Variants in SOX5 observed in about 807,000 individuals in gnomAD.
The protein encoded by SOX5 is SRY-box transcription factor 5.
In SOX5, 9 loss-of-function variants were observed where a neutral mutation model predicts 92.0. The observed-to-expected ratio is 0.10, with a 90% CI of 0.06 to 0.17. The LOEUF (loss-of-function observed/expected upper bound fraction) is 0.17, where lower values mean the gene tolerates loss of function less well. Among genes scored for constraint, SOX5 ranks in the 10% least tolerant of loss-of-function variants. SOX5 has a pLI of 1.00. For synonymous variants in SOX5, 344 were observed against 336.3 expected (o/e 1.02, Z -0.25); for missense variants, 642 against 944.5 (o/e 0.68, Z 4.20).
chr12:24,479,428 G>A (rs953392430), intron 1 of SOX5, among the ~76,000 whole-genome samples: 2 of 152,142 alleles, frequency 1.3e-5, no homozygotes, highest in Admixed American at 1.3e-4. Flanking sequence ...ACATAAATAT[G>A]TATGACCTCA....
At chr12:24,209,609 T>C (rs1262323163) in intron 4 of SOX5, among the ~76,000 whole-genome samples, 2 of 152,194 alleles carry the variant, frequency 1.3e-5, no homozygotes, top group African/African-American at 4.8e-5. Flanking sequence ...TAAATACTTA[T>C]TTGGCAATTG....
At chr12:23,990,206 T>C (rs12312708) in intron 4 of SOX5, among the ~76,000 whole-genome samples, 1,852 of 152,282 alleles carry the variant, frequency 0.012, 42 homozygotes, top group African/African-American at 0.041. Flanking sequence ...CTAGTCTCTG[T>C]CTTATTTTCA....
At chr12:24,014,062 C>T (rs1953280568) in intron 4 of SOX5, among the ~76,000 whole-genome samples, 1 of 152,226 alleles carries the variant, frequency 6.6e-6, no homozygotes, top group African/African-American at 2.4e-5. Context: ...AACCTGAGAA[C>T]CCTTCGTGAC....
chr12:24,477,642 TTTTA>T (rs1169643503), intron 1 of SOX5, among the ~76,000 whole-genome samples: 4 of 152,148 alleles, frequency 2.6e-5, no homozygotes, highest in Non-Finnish European at 2.9e-5. Context: ...AAGAAACTAC[TTTTA>T]AGGAAAGAGA....
chr12:24,204,364 T>C (rs1012631800), intron 4 of SOX5, among the ~76,000 whole-genome samples: 1 of 151,858 alleles, frequency 6.6e-6, no homozygotes, highest in African/African-American at 2.4e-5. Flanking sequence ...ACTTCCACTC[T>C]GTCGCCCAGG....
chr12:23,836,366 C>T (rs938171243), intron 3 of SOX5, among the ~76,000 whole-genome samples: 1 of 151,720 alleles, frequency 6.6e-6, no homozygotes, highest in East Asian at 1.9e-4. Flanking sequence ...AGAATCAGAG[C>T]TTTTTGTGTA....
chr12:24,330,931 C>G (rs532586409), intron 2 of SOX5, among the ~76,000 whole-genome samples: 113 of 152,254 alleles, frequency 7.4e-4, no homozygotes, highest in Non-Finnish European at 1.4e-3. Flanking sequence ...GGAAAGCAGA[C>G]GGAGTTACAA....
intron 3 of SOX5, among the ~76,000 whole-genome samples, chr12:24,224,017 G>A (rs1961233613): frequency 6.6e-6 from 1 of 152,200 alleles, no homozygotes; most frequent in African/African-American, 2.4e-5. Context: ...AAGTGGAAAG[G>A]AAAGAGATCA....
At chr12:24,003,131 C>T (rs1223083512) in intron 4 of SOX5, among the ~76,000 whole-genome samples, 2 of 151,988 alleles carry the variant, frequency 1.3e-5, no homozygotes, top group African/African-American at 4.8e-5. Context: ...AAATTCTCAA[C>T]TAACAAGGAT....
In SOX5 at chr12:24,451,311, C is replaced by T. The variant is rs572210972; in HGVS notation, c.-250-82672G>A. ...TGATTCCTTTCTTATGGATATATAC[C>T]CAGCAGTGGGATTACCCAGGTCATG... On this transcript the variant is annotated intron_variant, in intron 1 of 4. Coordinates refer to the SOX5 transcript ENST00000446891. Among the ~76,000 whole-genome samples, 43 of 152,090 alleles carry T rather than the reference C, an allele frequency of 2.8e-4. 1 individual carries two copies. The South Asian group carries it at 5.4e-3, about 19-fold the overall frequency.
intron 1 of SOX5, among the ~76,000 whole-genome samples, chr12:24,496,950 A>G (rs532227547): frequency 6.6e-6 from 1 of 152,220 alleles, no homozygotes; most frequent in Non-Finnish European, 1.5e-5. Flanking sequence ...AGCGCCACTA[A>G]GCATGGAATC....
chr12:24,271,879 A>G (rs1322145830), intron 3 of SOX5, among the ~76,000 whole-genome samples: 1 of 152,148 alleles, frequency 6.6e-6, no homozygotes, highest in Non-Finnish European at 1.5e-5. Context: ...TAAAATCTGT[A>G]GGGCAAGTCT....
chr12:24,448,701 TC>T (rs1941848178), intron 1 of SOX5, among the ~76,000 whole-genome samples: 1 of 152,218 alleles, frequency 6.6e-6, no homozygotes, highest in Admixed American at 6.5e-5. Context: ...TGCTTGCTTA[TC>T]TTTTTGAGGT....
At chr12:23,538,932 C>G (rs926911722) in intron 13 of SOX5, among the ~76,000 whole-genome samples, 2 of 151,258 alleles carry the variant, frequency 1.3e-5, no homozygotes, top group African/African-American at 2.4e-5. Flanking sequence ...TCCCGAGTAG[C>G]TGGGACTACA....
rs527239445 is a variant in SOX5, at chr12:23,646,532, A to T, written c.932-5635T>A. On this transcript the variant is annotated intron_variant, in intron 7 of 14. Coordinates refer to ENST00000451604, the MANE Select transcript of SOX5 (RefSeq NM_006940.6). ...TGATTGACTCTTCCTTTCACAAAAG[A>T]TCTCTCTGTAGCATGTGATGCTAAT... Among the ~76,000 whole-genome samples, 20 of 152,322 alleles carry T rather than the reference A, an allele frequency of 1.3e-4. 1 individual carries two copies. Among genetic ancestry groups the T allele is most frequent in the Middle Eastern group, 3.4e-3 (1 of 294 alleles).
chr12:23,749,201 T>C (rs890292314), intron 4 of SOX5, among the ~76,000 whole-genome samples: 17 of 151,876 alleles, frequency 1.1e-4, no homozygotes, highest in Non-Finnish European at 2.9e-5. Context: ...AAGAAAGAAT[T>C]TAATCAGACT....
intron 7 of SOX5, among the ~76,000 whole-genome samples, chr12:23,649,935 C>T (rs2081344431): frequency 6.6e-6 from 1 of 152,098 alleles, no homozygotes; most frequent in Non-Finnish European, 1.5e-5. Context: ...TGAACTAATG[C>T]AAAAGTTTTG....
intron 1 of SOX5, among the ~76,000 whole-genome samples, chr12:24,421,632 T>C (rs939843037): frequency 3.8e-4 from 58 of 152,218 alleles, no homozygotes; most frequent in African/African-American, 1.4e-3. Context: ...AAAAGATTCC[T>C]CTGCTCTCAG....
intron 4 of SOX5, among the ~76,000 whole-genome samples, chr12:24,139,941 C>G (rs142906799): frequency 6.6e-6 from 1 of 152,276 alleles, no homozygotes; most frequent in Non-Finnish European, 1.5e-5. Flanking sequence ...AGAATCCACA[C>G]TGCAAAGGAA....
Sources: allele counts gnomAD v4.1 joint callset (sites outside exome capture counted in the v4.1 genomes callset), GRCh38; gene constraint gnomAD v4.1.1; transcripts MANE v1.5; gene names NCBI Gene and HGNC (gene_info 2026-07-23, HGNC 2026-07-21).